The following NCOA1 variants were observed in gnomAD, a reference collection of about 807,000 sequenced individuals.
NCOA1 encodes Hin-2 protein.
NCOA1 carries 35 observed loss-of-function variants against 150.9 expected under a neutral mutation model. The ratio of observed to expected loss-of-function variants is 0.23; its 90% CI spans 0.18 to 0.31. The LOEUF (loss-of-function observed/expected upper bound fraction) is 0.31, where lower values mean the gene tolerates loss of function less well. Among genes scored for constraint, NCOA1 ranks in the 10% least tolerant of loss-of-function variants. NCOA1 has a pLI of 1.00. For synonymous variants in NCOA1, 590 were observed against 630.0 expected (o/e 0.94, Z 0.95); for missense variants, 1,491 against 1,749.3 (o/e 0.85, Z 2.63).
intron 19 of NCOA1, among the ~76,000 whole-genome samples, chr2:24,743,676 T>G (rs934433293): frequency 6.6e-6 from 1 of 152,210 alleles, no homozygotes. Context: ...TGGAAGTACT[T>G]CCTCCAACAT....
chr2:24,722,741 C>T (rs1674413545), intron 14 of NCOA1, among the ~76,000 whole-genome samples: 1 of 151,632 alleles, frequency 6.6e-6, no homozygotes, highest in Non-Finnish European at 1.5e-5. Context: ...CTATAAAAAT[C>T]ACTATTTTCG....
intron 3 of NCOA1, among the ~76,000 whole-genome samples, chr2:24,626,784 A>G (rs1669430914): frequency 6.6e-6 from 1 of 152,158 alleles, no homozygotes; most frequent in Admixed American, 6.5e-5. Flanking sequence ...AAGATTTTAT[A>G]TGTGGTCTTA....
intron 11 of NCOA1, 114 bp downstream of exon 11, chr2:24,697,912 A>G (rs1323146639): frequency 3.3e-6 from 4 of 1,204,830 alleles, no homozygotes; most frequent in Non-Finnish European, 3.4e-6. Context: ...AGTTTTTGCA[A>G]TAATCAGTTT....
rs1666405400 is a variant in NCOA1, at chr2:24,564,301, C to T, written c.-389C>T. On this transcript the variant is annotated 5_prime_UTR_variant, in exon 2 of 23. Coordinates refer to ENST00000348332, the MANE Select transcript of NCOA1 (RefSeq NM_003743.5). The stretch of plus-strand genomic sequence containing the variant: ...CTTCTCTCTCCTGCTTTAGATCTAT[C>T]CATACTAATGGAAATGTAACTGGAA... The T allele has an allele frequency of 6.6e-6, 1 of 152,074 alleles. No homozygotes were observed. The highest frequency in any genetic ancestry group is 2.1e-4 in the South Asian group (1 of 4,818). The allele number at this position is 152,074 out of a possible 1,614,324, so 9.4% of individuals were successfully genotyped here. A position where few individuals can be genotyped will look rare whatever the true frequency, so the allele number is the denominator to read the frequency against.
At chr2:24,515,813 G>T (rs889637531) in intron 1 of NCOA1, among the ~76,000 whole-genome samples, 1 of 152,154 alleles carries the variant, frequency 6.6e-6, no homozygotes, top group Non-Finnish European at 1.5e-5. Flanking sequence ...CTATTAATTT[G>T]GTGGGCTTCT....
chr2:24,511,990 A>G (rs1364264025), intron 1 of NCOA1, among the ~76,000 whole-genome samples: 1 of 152,136 alleles, frequency 6.6e-6, no homozygotes, highest in Non-Finnish European at 1.5e-5. Flanking sequence ...GCTTGATAAT[A>G]TTTTAATCAC....
chr2:24,750,999 T>G (rs1041540845), intron 19 of NCOA1, among the ~76,000 whole-genome samples: 1 of 151,584 alleles, frequency 6.6e-6, no homozygotes, highest in Non-Finnish European at 1.5e-5. Context: ...CTTTTTCTTT[T>G]TTTTTTTTGA....
At chr2:24,728,068 T>C (rs1486843351) in intron 15 of NCOA1, among the ~76,000 whole-genome samples, 2 of 152,184 alleles carry the variant, frequency 1.3e-5, no homozygotes, top group African/African-American at 4.8e-5. Flanking sequence ...TTCTGGAACA[T>C]AAAGAATATG....
chr2:24,641,445 C>T (rs1670213776), intron 3 of NCOA1, among the ~76,000 whole-genome samples: 1 of 151,946 alleles, frequency 6.6e-6, no homozygotes, highest in Non-Finnish European at 1.5e-5. Context: ...TTTATGATTT[C>T]TGATGCTTTT....
At chr2:24,560,862 C>T (rs1446940213) in intron 1 of NCOA1, among the ~76,000 whole-genome samples, 1 of 152,090 alleles carries the variant, frequency 6.6e-6, no homozygotes, top group Non-Finnish European at 1.5e-5. Context: ...TAATAGAATA[C>T]AAATTTGTGA....
At chr2:24,758,298 A>C in intron 21 of NCOA1, 142 bp downstream of exon 21, 1 of 773,204 alleles carries the variant, frequency 1.3e-6, no homozygotes, top group Non-Finnish European at 1.9e-6. Context: ...ACTGGCTCTT[A>C]AGATATACAA....
intron 3 of NCOA1, among the ~76,000 whole-genome samples, chr2:24,603,420 A>T (rs892334203): frequency 6.6e-6 from 1 of 152,198 alleles, no homozygotes; most frequent in African/African-American, 2.4e-5. Flanking sequence ...ATTTCTCTGT[A>T]ACGTGATGCT....
intron 3 of NCOA1, among the ~76,000 whole-genome samples, chr2:24,641,234 G>T (rs1670202454): frequency 6.6e-6 from 1 of 150,998 alleles, no homozygotes; most frequent in Non-Finnish European, 1.5e-5. Context: ...CAGTGTAATT[G>T]CATTTATACC....
intron 11 of NCOA1, among the ~76,000 whole-genome samples, chr2:24,703,443 A>G (rs534270476): frequency 2.0e-4 from 30 of 152,232 alleles, no homozygotes; most frequent in Non-Finnish European, 3.2e-4. Context: ...ATACATTCTC[A>G]TCCAAAACAA....
intron 1 of NCOA1, among the ~76,000 whole-genome samples, chr2:24,550,046 T>C (rs1050834592): frequency 1.3e-5 from 2 of 152,218 alleles, no homozygotes; most frequent in African/African-American, 2.4e-5. Context: ...AAACAAGTTA[T>C]AGCAAACAAC....
chr2:24,635,160 C>T (rs1487582507), intron 3 of NCOA1, among the ~76,000 whole-genome samples: 1 of 152,074 alleles, frequency 6.6e-6, no homozygotes, highest in African/African-American at 2.4e-5. Flanking sequence ...CTGCATCATT[C>T]TTCCCCCCAT....
chr2:24,705,479 C>A (rs1394252330), intron 12 of NCOA1, among the ~76,000 whole-genome samples: 8 of 151,918 alleles, frequency 5.3e-5, no homozygotes, highest in Non-Finnish European at 1.2e-4. Context: ...AGGGTAAAAC[C>A]AAAAAGATGG....
intron 20 of NCOA1, among the ~76,000 whole-genome samples, chr2:24,754,332 G>A (rs149165508): frequency 5.5e-4 from 83 of 152,220 alleles, no homozygotes; most frequent in African/African-American, 1.8e-3. Context: ...AATAGGGCCC[G>A]TAAAACCCCA....
chr2:24,648,929 A>C (rs11125733), intron 4 of NCOA1, among the ~76,000 whole-genome samples: 1 of 151,840 alleles, frequency 6.6e-6, no homozygotes, highest in Admixed American at 6.6e-5. Flanking sequence ...AAATGTAGTT[A>C]TTTGATTTTG....
Sources: gnomAD v4.1 joint callset for allele counts (sites outside exome capture counted in the v4.1 genomes callset) on GRCh38, gnomAD v4.1.1 for gene constraint, MANE v1.5 for transcripts, NCBI Gene and HGNC (gene_info 2026-07-23, HGNC 2026-07-21) for gene names.